SGCZ: variants seen among roughly 807,000 people sequenced by gnomAD.
SGCZ encodes the protein zeta-sarcoglycan.
SGCZ carries 40 observed loss-of-function variants against 41.3 expected under a neutral mutation model. The observed-to-expected ratio is 0.97, with a 90% CI of 0.75 to 1.26. SGCZ has a LOEUF of 1.26. Ranked by LOEUF, SGCZ falls within the 50% of genes most tolerant of loss-of-function variation. The pLI, the probability that SGCZ is intolerant of heterozygous loss-of-function variation, is 0.00. For synonymous variants in SGCZ, 206 were observed against 137.5 expected (o/e 1.50, Z -3.49); for missense variants, 552 against 369.8 (o/e 1.49, Z -4.04).
At chr8:14,134,125 A>G (rs1803124447) in intron 5 of SGCZ, among the ~76,000 whole-genome samples, 1 of 152,210 alleles carries the variant, frequency 6.6e-6, no homozygotes, top group Admixed American at 6.5e-5. Flanking sequence ...CAATTGACAA[A>G]TATCTATTTT....
intron 1 of SGCZ, among the ~76,000 whole-genome samples, chr8:14,909,401 G>A (rs180906504): frequency 1.3e-5 from 2 of 151,866 alleles, no homozygotes; most frequent in East Asian, 1.9e-4. Context: ...GTGTTTTAAC[G>A]TTACAACGTA....
At chr8:14,665,148 G>T (rs955905456) in intron 1 of SGCZ, among the ~76,000 whole-genome samples, 3 of 152,040 alleles carry the variant, frequency 2.0e-5, no homozygotes, top group Middle Eastern at 3.2e-3. Flanking sequence ...ATCTCCTAAT[G>T]CTATCCCTCC....
chr8:14,340,070 T>A (rs1778942612), intron 2 of SGCZ, among the ~76,000 whole-genome samples: 1 of 152,188 alleles, frequency 6.6e-6, no homozygotes, highest in Non-Finnish European at 1.5e-5. Context: ...AAGTTAAAAA[T>A]AAAGCAAAAT....
intron 7 of SGCZ, among the ~76,000 whole-genome samples, chr8:14,098,344 A>C (rs1337987291): frequency 2.0e-5 from 3 of 152,192 alleles, no homozygotes; most frequent in African/African-American, 7.2e-5. Context: ...GAAGTGCACA[A>C]AACTAAGCAA....
intron 3 of SGCZ, among the ~76,000 whole-genome samples, chr8:14,284,799 A>C (rs372436684): frequency 5.9e-5 from 9 of 152,246 alleles, no homozygotes; most frequent in African/African-American, 2.2e-4. Context: ...TGTTGTGTAC[A>C]TCTTTACTAT....
At chr8:14,777,731 G>A (rs1041327161) in intron 1 of SGCZ, among the ~76,000 whole-genome samples, 2 of 151,940 alleles carry the variant, frequency 1.3e-5, no homozygotes, top group Non-Finnish European at 2.9e-5. Context: ...CATGTATGTG[G>A]GTATGTGTGT....
chr8:14,423,978 A>T (rs1394459330), intron 2 of SGCZ, among the ~76,000 whole-genome samples: 1 of 152,206 alleles, frequency 6.6e-6, no homozygotes, highest in African/African-American at 2.4e-5. Context: ...TAAAGTGTTA[A>T]TGACAGGAAA....
At chr8:14,262,390 A>G (rs935678417) in intron 3 of SGCZ, among the ~76,000 whole-genome samples, 1 of 152,168 alleles carries the variant, frequency 6.6e-6, no homozygotes, top group Non-Finnish European at 1.5e-5. Flanking sequence ...TATCTAATGC[A>G]GTATACACTG....
chr8:14,991,264 G>A (rs765798367), intron 1 of SGCZ, among the ~76,000 whole-genome samples: 26 of 152,022 alleles, frequency 1.7e-4, no homozygotes, highest in Non-Finnish European at 3.5e-4. Context: ...AAACAGGCTC[G>A]ATAGTAATAG....
chr8:14,499,055 C>T (rs917432838), intron 2 of SGCZ, among the ~76,000 whole-genome samples: 2 of 151,906 alleles, frequency 1.3e-5, no homozygotes, highest in African/African-American at 4.8e-5. Context: ...TGATCTTCTC[C>T]ATTTAATATT....
At chr8:14,610,898 T>C (rs868017598) in intron 1 of SGCZ, among the ~76,000 whole-genome samples, 1 of 152,188 alleles carries the variant, frequency 6.6e-6, no homozygotes, top group Non-Finnish European at 1.5e-5. Flanking sequence ...ATTTATGGAA[T>C]TGTAACCCAA....
At chr8:15,137,744 T>C (rs917504391) in intron 1 of SGCZ, among the ~76,000 whole-genome samples, 1 of 152,184 alleles carries the variant, frequency 6.6e-6, no homozygotes, top group Non-Finnish European at 1.5e-5. Context: ...TCAGAGGACA[T>C]ATAGACATGT....
chr8:15,170,058 A>G (rs1040662893), intron 1 of SGCZ, among the ~76,000 whole-genome samples: 2 of 152,236 alleles, frequency 1.3e-5, no homozygotes, highest in Non-Finnish European at 2.9e-5. Flanking sequence ...TGAGTGGTTT[A>G]TCATTCAAAG....
intron 2 of SGCZ, among the ~76,000 whole-genome samples, chr8:14,519,463 T>C (rs1352019778): frequency 1.3e-5 from 2 of 152,264 alleles, no homozygotes; most frequent in East Asian, 1.9e-4. Flanking sequence ...AGATAAACTA[T>C]AATATAATGT....
chr8:14,106,623 T>TTG (rs1312494482), intron 6 of SGCZ, among the ~76,000 whole-genome samples: 1 of 152,206 alleles, frequency 6.6e-6, no homozygotes, highest in African/African-American at 2.4e-5. Flanking sequence ...TATTTATTTT[T>TTG]TGTTTCCATC....
intron 3 of SGCZ, among the ~76,000 whole-genome samples, chr8:14,318,534 T>C (rs1801799913): frequency 6.6e-6 from 1 of 151,898 alleles, no homozygotes; most frequent in Non-Finnish European, 1.5e-5. Context: ...CTAATGTGGA[T>C]AGAGAAAAAG....
chr8:14,551,490 T>C (rs111734639), intron 2 of SGCZ, among the ~76,000 whole-genome samples: 108 of 2,672 alleles, frequency 0.04, 30 homozygotes, highest in Non-Finnish European at 0.067. Flanking sequence ...TTATATATAT[T>C]ATATATATTA....
chr8:14,766,824 C>G (rs564933563), intron 1 of SGCZ, among the ~76,000 whole-genome samples: 2 of 151,070 alleles, frequency 1.3e-5, no homozygotes, highest in African/African-American at 4.9e-5. Context: ...ACAGTCTGCC[C>G]GCCTCGGCCT....
intron 1 of SGCZ, among the ~76,000 whole-genome samples, chr8:14,936,988 T>G (rs1016070046): frequency 7.9e-5 from 12 of 151,702 alleles, no homozygotes; most frequent in African/African-American, 2.9e-4. Flanking sequence ...TTAAAAAGTT[T>G]ATAAAAGAAC....
Sources: allele counts gnomAD v4.1 joint callset (sites outside exome capture counted in the v4.1 genomes callset), GRCh38; gene constraint gnomAD v4.1.1; transcripts MANE v1.5; gene names NCBI Gene and HGNC (gene_info 2026-07-23, HGNC 2026-07-21).